Variants in WDFY3 observed in about 807,000 individuals in gnomAD.
The protein encoded by WDFY3 is WD repeat and FYVE domain containing 3.
A neutral mutation model predicts 409.6 loss-of-function variants in WDFY3; 66 were observed. The ratio of observed to expected loss-of-function variants is 0.16; its 90% confidence interval spans 0.13 to 0.20. The LOEUF (loss-of-function observed/expected upper bound fraction) is 0.20. Ranked by LOEUF, WDFY3 falls within the 10% of genes least tolerant of loss-of-function variation. The probability of loss-of-function intolerance (pLI) is 1.00; values close to 1 mark genes in which losing one functional copy is unlikely to be tolerated. For synonymous variants in WDFY3, 1,521 were observed against 1,537.1 expected, an observed-to-expected ratio of 0.99 and a Z score of 0.25; for missense variants, 3,031 against 4,298.1, an observed-to-expected ratio of 0.71 and a Z score of 8.24.
intron 25 of WDFY3, among the ~76,000 whole-genome samples, chr4:84,781,459 C>T (rs1014436059): frequency 6.8e-6 from 1 of 146,286 alleles, no homozygotes; most frequent in African/African-American, 2.6e-5. Flanking sequence ...GGCTCAATCA[C>T]AGCTCATTGC....
At chr4:84,729,598 TA>T (rs1736243462) in intron 44 of WDFY3, among the ~76,000 whole-genome samples, 1 of 151,706 alleles carries the variant, frequency 6.6e-6, no homozygotes, top group South Asian at 2.1e-4. Context: ...TTAAAATCAA[TA>T]AATAAAATTC....
intron 64 of WDFY3, among the ~76,000 whole-genome samples, chr4:84,680,312 A>G (rs1421935634): frequency 2.0e-5 from 3 of 150,344 alleles, no homozygotes; most frequent in African/African-American, 7.3e-5. Context: ...TTTTACATAC[A>G]TGGATCTTGC....
intron 32 of WDFY3, 137 bp from the exon 33 acceptor site, chr4:84,757,298 T>C: frequency 1.3e-6 from 1 of 749,822 alleles, no homozygotes; most frequent in South Asian, 2.0e-5. Context: ...AATTAAGTAT[T>C]CAACTGTTGA....
At chr4:84,926,327 A>T (rs1364253909) in intron 2 of WDFY3, among the ~76,000 whole-genome samples, 1 of 151,858 alleles carries the variant, frequency 6.6e-6, no homozygotes, top group African/African-American at 2.4e-5. Context: ...AGTGGTGATT[A>T]AAAAGATTAG....
chr4:84,708,161 TG>T (rs1560569171), intron 53 of WDFY3, among the ~76,000 whole-genome samples: 1 of 152,248 alleles, frequency 6.6e-6, no homozygotes, highest in Non-Finnish European at 1.5e-5. Context: ...TGCATCTATG[TG>T]TTCTTGATTT....
chr4:84,723,706 T>C (rs1006976766), intron 46 of WDFY3, among the ~76,000 whole-genome samples: 7 of 152,226 alleles, frequency 4.6e-5, no homozygotes, highest in African/African-American at 1.7e-4. Context: ...GAAACTGCTA[T>C]AACAGACATG....
At chr4:84,927,789 T>G (rs1419044351) in intron 2 of WDFY3, among the ~76,000 whole-genome samples, 1 of 152,248 alleles carries the variant, frequency 6.6e-6, no homozygotes, top group African/African-American at 2.4e-5. Context: ...TCCCCAGCCA[T>G]GTGGAACTGT....
At chr4:84,875,263 AACACACACACACACACACAC>A (rs58589086) in intron 3 of WDFY3, among the ~76,000 whole-genome samples, 2 of 137,580 alleles carry the variant, frequency 1.5e-5, no homozygotes, top group South Asian at 4.9e-4. Flanking sequence ...GCAAGACTCA[AACACACACACACACACACAC>A]ACACACACAC....
In WDFY3 at chr4:84,924,680, C is replaced by T. The variant is rs571380982; in HGVS notation, c.-132+7590G>A. 9.1e-4 allele frequency among the ~76,000 whole-genome samples: 138 copies of T among 152,324 alleles called. 1 individual carries two copies. Among genetic ancestry groups the T allele is most frequent in the East Asian group, 7.7e-4 (4 of 5,186 alleles). On this transcript the variant is annotated intron_variant, in intron 2 of 67. Coordinates refer to ENST00000295888, the MANE Select transcript of WDFY3 (RefSeq NM_014991.6). Reference sequence around the variant, plus strand: ...TATACTCAATCCTCTGCTCTTTCACCTACACATTGTTGTTCCATCATCATA... The same window carrying T: ...TATACTCAATCCTCTGCTCTTTCACTTACACATTGTTGTTCCATCATCATA...
At position 84,721,587 on chromosome 4, in the gene WDFY3, C is replaced by T. The variant is rs1734858515; in HGVS notation, c.7442-15G>A. 1 of 1,601,044 alleles carries T rather than the reference C, an allele frequency of 6.2e-7. No individual in the cohort carries two copies. The highest frequency in any genetic ancestry group is 1.3e-5 in the African/African-American group (1 of 74,866). ...CTTGACCAAACCTACAGTATAATAA[C>T]CAAGAGGGCCATGTGGCATTGTAAG... is the stretch of plus-strand genomic sequence containing the variant. On this transcript the variant is annotated splice_polypyrimidine_tract_variant and intron_variant, in intron 46 of 67. Transcript: ENST00000295888.
intron 53 of WDFY3, among the ~76,000 whole-genome samples, chr4:84,705,997 G>A (rs533087268): frequency 1.4e-5 from 2 of 147,390 alleles, no homozygotes; most frequent in East Asian, 4.3e-4. Flanking sequence ...TGATCTGGAA[G>A]TGATAAAAAC....
intron 39 of WDFY3, among the ~76,000 whole-genome samples, chr4:84,739,520 T>C (rs1309567018): frequency 6.6e-6 from 1 of 152,194 alleles, no homozygotes; most frequent in Non-Finnish European, 1.5e-5. Flanking sequence ...GCCACACTCC[T>C]TCTTCCCTCT....
intron 45 of WDFY3, among the ~76,000 whole-genome samples, chr4:84,724,974 G>A (rs1393437216): frequency 1.3e-5 from 2 of 152,182 alleles, no homozygotes; most frequent in East Asian, 1.9e-4. Flanking sequence ...TGAGGAGCCT[G>A]GAACTTCACT....
intron 1 of WDFY3, among the ~76,000 whole-genome samples, chr4:84,944,091 A>G (rs893436923): frequency 7.2e-5 from 11 of 152,262 alleles, no homozygotes; most frequent in African/African-American, 2.7e-4. Flanking sequence ...ATGATTTTCA[A>G]TAAGCACCTG....
At chr4:84,893,966 G>A (rs1409172869) in intron 3 of WDFY3, among the ~76,000 whole-genome samples, 2 of 151,696 alleles carry the variant, frequency 1.3e-5, no homozygotes, top group Admixed American at 1.3e-4. Flanking sequence ...TCCAGCCTGG[G>A]CGACAGAGCA....
chr4:84,748,620 T>C (rs1350483387), intron 36 of WDFY3, among the ~76,000 whole-genome samples: 1 of 152,182 alleles, frequency 6.6e-6, no homozygotes, highest in African/African-American at 2.4e-5. Flanking sequence ...CACACCACAC[T>C]ACTTCCCTTG....
At chr4:84,887,496 T>C (rs1364617832) in intron 3 of WDFY3, among the ~76,000 whole-genome samples, 1 of 152,174 alleles carries the variant, frequency 6.6e-6, no homozygotes, top group Non-Finnish European at 1.5e-5. Flanking sequence ...CATCAGTAAT[T>C]AGCAGCTCAG....
intron 41 of WDFY3, among the ~76,000 whole-genome samples, chr4:84,736,794 A>G (rs1737512488): frequency 6.6e-6 from 1 of 152,180 alleles, no homozygotes; most frequent in Admixed American, 6.5e-5. Context: ...CATACCAAGT[A>G]GGACAAAGAA....
intron 18 of WDFY3, 99 bp from the exon 19 acceptor site, chr4:84,796,851 A>C: frequency 1.0e-6 from 1 of 996,870 alleles, no homozygotes; most frequent in Non-Finnish European, 1.5e-6. Context: ...GTTTCAATAG[A>C]CAATAATTTT....
Sources: allele counts gnomAD v4.1 joint callset (sites outside exome capture counted in the v4.1 genomes callset), GRCh38; gene constraint gnomAD v4.1.1; transcripts MANE v1.5; gene names NCBI Gene and HGNC (gene_info 2026-07-23, HGNC 2026-07-21).